ERC2: variants seen among roughly 807,000 people sequenced by gnomAD.
The protein encoded by ERC2 is ERC protein 2.
Under a neutral mutation model 114.8 loss-of-function variants are expected in ERC2, and 42 were observed. That is an observed-to-expected ratio of 0.37 (90% CI 0.29 to 0.47). The LOEUF is 0.47. ERC2 is among the 20% of genes least tolerant of loss of function. ERC2 has a pLI of 0.99. For missense variants in ERC2, 939 were observed against 1,150.7 expected (o/e 0.82, Z 2.66); for synonymous variants, 454 against 425.5 (o/e 1.07, Z -0.82).
At chr3:56,404,779 A>C (rs937043749) in intron 2 of ERC2, among the ~76,000 whole-genome samples, 2 of 152,200 alleles carry the variant, frequency 1.3e-5, no homozygotes, top group African/African-American at 4.8e-5. Flanking sequence ...CTAATAATCC[A>C]GTGGAAAAAA....
At chr3:55,775,870 G>A (rs60551886) in intron 14 of ERC2, among the ~76,000 whole-genome samples, 23,658 of 152,158 alleles carry the variant, frequency 0.16, 2,018 homozygotes, top group East Asian at 0.22. Flanking sequence ...GTGTGCAGCA[G>A]GGGTGGACCC....
intron 17 of ERC2, among the ~76,000 whole-genome samples, chr3:55,517,825 T>A (rs1045270147): frequency 1.3e-5 from 2 of 152,270 alleles, no homozygotes; most frequent in Non-Finnish European, 2.9e-5. Flanking sequence ...AGATCAGATA[T>A]CTGCCATTTA....
At position 55,550,928 on chromosome 3, in the gene ERC2, A is replaced by G. The variant is rs548977343; in HGVS notation, c.*40-39652T>C. On this transcript the variant is annotated intron_variant, in intron 17 of 17. Transcript: ENST00000288221. ...CTACTCGGGAGGCTGAGGCAGAAGA[A>G]TGGCGTGAACCTGGGAGGCAGATCT... is the stretch of plus-strand genomic sequence containing the variant. Among the ~76,000 whole-genome samples, 28 of 151,332 alleles carry G rather than the reference A, an allele frequency of 1.9e-4. No homozygotes were observed. In the South Asian group the frequency reaches 5.9e-3, roughly 32 times the overall value.
intron 3 of ERC2, among the ~76,000 whole-genome samples, chr3:56,199,898 G>A (rs2048314703): frequency 6.6e-6 from 1 of 152,038 alleles, no homozygotes; most frequent in Non-Finnish European, 1.5e-5. Flanking sequence ...AGATAAGAAG[G>A]GAATGATGAT....
At chr3:56,126,126 T>C (rs1202021577) in intron 6 of ERC2, among the ~76,000 whole-genome samples, 2 of 152,220 alleles carry the variant, frequency 1.3e-5, no homozygotes, top group South Asian at 4.1e-4. Context: ...CATCATTTCA[T>C]CTATAAATAT....
In ERC2 at chr3:55,950,560, C is replaced by T; in HGVS notation, c.2268G>A (p.Arg756=). The T allele has an allele frequency of 6.2e-7, 1 of 1,613,880 alleles. No individual in the cohort carries two copies. The highest frequency in any genetic ancestry group is 8.5e-7 in the Non-Finnish European group (1 of 1,179,860). The change falls in exon 13 of 18, where the codon AGG becomes AGA. Residue 756 remains arginine (R), a splice_region_variant and synonymous_variant. Coordinates refer to ENST00000288221, the MANE Select transcript of ERC2 (RefSeq NM_015576.3). ...KIAELESLTL[R]HMKDQNKKVA... ...CCTTCTTATTCTGATCTTTCATATG[C>T]CTGAGAAAAGTCAGCACAGCTTGGT...
At chr3:55,569,960 C>A (rs550890430) in intron 17 of ERC2, among the ~76,000 whole-genome samples, 1 of 150,018 alleles carries the variant, frequency 6.7e-6, no homozygotes. Flanking sequence ...CGGGTTCAAG[C>A]GATTTCTCCT....
intron 7 of ERC2, among the ~76,000 whole-genome samples, chr3:56,051,916 G>T (rs998328708): frequency 6.6e-5 from 10 of 151,404 alleles, no homozygotes; most frequent in Admixed American, 2.6e-4. Flanking sequence ...CAGAGTTAGT[G>T]TCCTAAGATG....
intron 2 of ERC2, among the ~76,000 whole-genome samples, chr3:56,299,801 G>A (rs2055740409): frequency 1.3e-5 from 2 of 152,130 alleles, no homozygotes; most frequent in Admixed American, 1.3e-4. Context: ...AGATGATCCA[G>A]GTTTATCTGG....
intron 13 of ERC2, among the ~76,000 whole-genome samples, chr3:55,916,118 C>A (rs2065078144): frequency 6.6e-6 from 1 of 152,284 alleles, no homozygotes; most frequent in East Asian, 1.9e-4. Flanking sequence ...TCAACCACTG[C>A]AGACCCATTC....
chr3:55,797,959 T>C (rs983325685), intron 14 of ERC2, among the ~76,000 whole-genome samples: 1 of 152,124 alleles, frequency 6.6e-6, no homozygotes, highest in Non-Finnish European at 1.5e-5. Context: ...AGCCACATAG[T>C]AGACACAGGT....
At chr3:55,702,845 G>A (rs752518953) in intron 15 of ERC2, among the ~76,000 whole-genome samples, 5 of 152,098 alleles carry the variant, frequency 3.3e-5, no homozygotes, top group African/African-American at 4.8e-5. Flanking sequence ...TAAACACCCA[G>A]GAAAACTAAT....
chr3:55,906,591 T>C (rs2064466586), intron 13 of ERC2, among the ~76,000 whole-genome samples: 1 of 152,202 alleles, frequency 6.6e-6, no homozygotes, highest in Non-Finnish European at 1.5e-5. Context: ...CAATATGTGT[T>C]TTAACAACCC....
chr3:55,561,883 T>A (rs1209214128), intron 17 of ERC2, among the ~76,000 whole-genome samples: 1 of 151,930 alleles, frequency 6.6e-6, no homozygotes, highest in African/African-American at 2.4e-5. Flanking sequence ...CCAATGAGAG[T>A]CTGCCCTGAA....
intron 17 of ERC2, among the ~76,000 whole-genome samples, chr3:55,586,966 TC>T (rs1386722477): frequency 6.6e-6 from 1 of 152,200 alleles, no homozygotes; most frequent in African/African-American, 2.4e-5. Flanking sequence ...TTCTATTCCC[TC>T]CCCTAGTCCT....
chr3:56,014,265 T>A (rs1156398223), intron 8 of ERC2, among the ~76,000 whole-genome samples: 1 of 152,160 alleles, frequency 6.6e-6, no homozygotes, highest in Non-Finnish European at 1.5e-5. Flanking sequence ...CTACCAGTAG[T>A]CCCTACTACA....
In ERC2 at chr3:56,129,493, C is replaced by A. The variant is rs142580681; in HGVS notation, c.1473+10016G>T. Among the ~76,000 whole-genome samples the A allele has an allele frequency of 6.1e-3, 927 of 152,232 alleles. 9 individuals carry two copies. The highest frequency in any genetic ancestry group is 0.021 in the African/African-American group (862 of 41,558). On this transcript the variant is annotated intron_variant, in intron 6 of 17. Transcript: ENST00000288221. ...TTAAAAAGAGTAAAGAATGTGAACT[C>A]GGGGGTCAGTAAGAGTTTTGTTGGA...
intron 11 of ERC2, among the ~76,000 whole-genome samples, chr3:55,990,986 T>A (rs1379671600): frequency 6.6e-6 from 1 of 152,036 alleles, no homozygotes; most frequent in African/African-American, 2.4e-5. Flanking sequence ...TCCCAGCTAC[T>A]CAGGGGGCCG....
At chr3:55,931,847 T>C (rs960649611) in intron 13 of ERC2, among the ~76,000 whole-genome samples, 3 of 152,050 alleles carry the variant, frequency 2.0e-5, no homozygotes, top group Admixed American at 2.0e-4. Context: ...CTTACATGAG[T>C]GTTGGCTCAA....
Sources: gnomAD v4.1 joint callset for allele counts (sites outside exome capture counted in the v4.1 genomes callset) on GRCh38, gnomAD v4.1.1 for gene constraint, MANE v1.5 for transcripts, NCBI Gene and HGNC (gene_info 2026-07-23, HGNC 2026-07-21) for gene names.